Variants in RHBG observed in about 807,000 individuals in gnomAD.
RHBG encodes the protein ammonium transporter Rh type B.
A neutral mutation model predicts 40.1 loss-of-function variants in RHBG; 39 were observed. The ratio of observed to expected loss-of-function variants is 0.97; its 90% CI spans 0.75 to 1.27. RHBG has a LOEUF of 1.27. RHBG is among the 50% of genes most tolerant of loss of function. The probability of loss-of-function intolerance (pLI) is 0.00; values close to 1 mark genes in which losing one functional copy is unlikely to be tolerated. For synonymous variants in RHBG, 237 were observed against 252.5 expected (o/e 0.94, Z 0.58); for missense variants, 549 against 588.1 (o/e 0.93, Z 0.69).
In RHBG at chr1:156,378,313, T is replaced by C; in HGVS notation, c.587T>C (p.Leu196Pro). 6.2e-7 allele frequency: 1 copy of C among 1,614,100 alleles called. No individual in the cohort carries two copies. Among genetic ancestry groups the C allele is most frequent in the Non-Finnish European group, 8.5e-7 (1 of 1,180,014 alleles). The change falls in exon 4 of 10, where the codon CTT becomes CCT. Residue 196 changes from leucine to proline, a missense_variant. Physicochemically the swap from Leu to Pro is moderately conservative, Grantham distance 98. Transcript: ENST00000537040. Reference sequence around the variant, plus strand: ...TTTGGTGCCTACTTCGGGCTCGTCCTTTCGCGGGTTCTGTACAGGCCCCAG... The same window carrying C: ...TTTGGTGCCTACTTCGGGCTCGTCCCTTCGCGGGTTCTGTACAGGCCCCAG... ...HTFGAYFGLVLSRVLYRPQLE... is the reference protein window; with the variant it reads ...HTFGAYFGLVPSRVLYRPQLE...
At position 156,382,784 on chromosome 1, in the gene RHBG, GCGCAGTGCCACGT is replaced by G. The variant is rs1667753898; in HGVS notation, c.1151_1163del (p.Arg384HisfsTer14). 6.2e-7 allele frequency: 1 copy of G among 1,614,110 alleles called. No individual in the cohort carries two copies. Among genetic ancestry groups the G allele is most frequent in the South Asian group, 1.1e-5 (1 of 91,086 alleles). Reference sequence around the variant, plus strand: ...TGTTTCCACTCATAGCCGAGGGCCAGCGCAGTGCCACGTCACAGGCCATGCACCAGCTCTTCGG... The same window carrying G: ...TGTTTCCACTCATAGCCGAGGGCCAGCACAGGCCATGCACCAGCTCTTCGG... On this transcript the variant is annotated frameshift_variant, in exon 8 of 10. Coordinates refer to ENST00000537040, the MANE Select transcript of RHBG (RefSeq NM_020407.5). LOFTEE classifies it high-confidence loss of function.
At chr1:156,372,161 A>G (rs1403855913) in intron 1 of RHBG, among the ~76,000 whole-genome samples, 1 of 152,192 alleles carries the variant, frequency 6.6e-6, no homozygotes, top group African/African-American at 2.4e-5. Flanking sequence ...ATGCCAAGAC[A>G]TGGCTAGTCT....
At position 156,381,834 on chromosome 1, in the gene RHBG, G is replaced by C; in HGVS notation, c.869G>C (p.Gly290Ala). 6.3e-6 allele frequency: 10 copies of C among 1,591,304 alleles called. No homozygotes were observed. The highest frequency in any genetic ancestry group is 8.5e-6 in the Non-Finnish European group (10 of 1,174,642). ...CACATCCAAAATGCAGCGCTGGCTGGAGGGGTTGTGGTGGGGACCTCAAGT... is the reference window on the plus strand; with the variant it reads ...CACATCCAAAATGCAGCGCTGGCTGCAGGGGTTGTGGTGGGGACCTCAAGT... The part of the protein sequence containing the change: ...MVHIQNAALA[G>A]GVVVGTSSEM... Residue 290 changes from glycine to alanine, a missense_variant, in exon 6 of 10, where the codon GGA (glycine) becomes GCA (alanine). This residue lies in a region of RHBG where 399 missense variants were observed against 417.0 expected (regional missense o/e 0.96). Transcript: ENST00000537040.
In RHBG at chr1:156,377,289, T is replaced by G. The variant is rs767329991; in HGVS notation, c.188-12T>G. 3.1e-6 allele frequency: 5 copies of G among 1,612,056 alleles called. No homozygotes were observed. The African/African-American group carries it at 6.7e-5, about 22-fold the overall frequency. On this transcript the variant is annotated splice_polypyrimidine_tract_variant and intron_variant, in intron 1 of 9. Transcript: ENST00000537040. The surrounding 1 kb of genome is among the most constrained non-coding windows in gnomAD (Gnocchi z 4.6). ...AGCCCCCAAGTGCCCCGCCTGTCCCTGCCCGCTGCAGGCTTCCAGGACGTG... is the reference window on the plus strand; with the variant it reads ...AGCCCCCAAGTGCCCCGCCTGTCCCGGCCCGCTGCAGGCTTCCAGGACGTG...
Position 156,382,889 on chromosome 1 carries a change from C to G in RHBG, c.1234+20C>G. On this transcript the variant is annotated intron_variant, in intron 8 of 9. Transcript: ENST00000537040. ...TTGGAGGTGAGTAACCTTGGATTTT[C>G]TAGAGGAAGGGGCATGGGATCCTAT... 1 of 1,614,142 alleles carries G rather than the reference C, an allele frequency of 6.2e-7. No individual in the cohort carries two copies. Among genetic ancestry groups the G allele is most frequent in the Non-Finnish European group, 8.5e-7 (1 of 1,180,002 alleles).
In RHBG at chr1:156,369,299, T is replaced by G; in HGVS notation, c.50T>G (p.Leu17Arg). 1 of 1,614,130 alleles carries G rather than the reference T, an allele frequency of 6.2e-7. No individual in the cohort carries two copies. Among genetic ancestry groups the G allele is most frequent in the Non-Finnish European group, 8.5e-7 (1 of 1,180,030 alleles). Reference protein sequence around the residue: ...RAAGRRLQLPLLCLFLQGATA... With the variant: ...RAAGRRLQLPRLCLFLQGATA... ...GCGGGCCGGCGACTGCAGCTTCCCC[T>G]GCTGTGCCTCTTCCTCCAGGGCGCC... Residue 17 changes from leucine (L) to arginine (R), a missense_variant, in exon 1 of 10, where the codon CTG becomes CGG. Around this residue, in one of 3 missense-constraint regions of RHBG, gnomAD observed 99 missense variants for 85.2 expected, o/e 1.16. Transcript: ENST00000537040.
Position 156,378,005 on chromosome 1 carries a change from C to T in RHBG, c.390C>T (p.Asp130=). The T allele has an allele frequency of 6.4e-7, 1 of 1,550,762 alleles. No individual in the cohort carries two copies. The highest frequency in any genetic ancestry group is 1.4e-5 in the African/African-American group (1 of 73,466). The change falls in exon 3 of 10, where the codon GAC becomes GAT. Residue 130 remains aspartate (D), a synonymous_variant. Transcript: ENST00000537040. Reference sequence around the variant, plus strand: ...CCATCCCCAGCATGATCAATGCTGACTTTTGTGCGGGGGCCGTGCTCATCT... The same window carrying T: ...CCATCCCCAGCATGATCAATGCTGATTTTTGTGCGGGGGCCGTGCTCATCT... ...HVGVESMINA[D]FCAGAVLISF... is the part of the protein sequence containing the mutation.
At chr1:156,370,171 G>A (rs904928609) in intron 1 of RHBG, among the ~76,000 whole-genome samples, 2 of 152,016 alleles carry the variant, frequency 1.3e-5, no homozygotes, top group Admixed American at 6.6e-5. Flanking sequence ...AAATTAGGCC[G>A]GGCGCGGTGC....
rs1396116038 is a variant in RHBG at position 156,381,926 on chromosome 1, G to C, written c.961G>C (p.Gly321Arg). ...CTTGGCTGGGACTGTCTCCACGCTG[G>C]GGTACAAGTTCTTCACGGTATAGAT... ...GFLAGTVSTL[G>R]YKFFTPILES... The change falls in exon 6 of 10, where the codon GGG becomes CGG. Residue 321 changes from glycine (G) to arginine (R), a missense_variant. Transcript: ENST00000537040. 1.2e-6 allele frequency: 2 copies of C among 1,611,538 alleles called. No homozygotes were observed. The highest frequency in any genetic ancestry group is 1.7e-6 in the Non-Finnish European group (2 of 1,179,538).
In RHBG at chr1:156,385,148, G is replaced by T. The variant is rs1421089721; in HGVS notation, c.*303G>T. 6.2e-6 allele frequency: 2 copies of T among 324,136 alleles called. No individual in the cohort carries two copies. 20.1% of individuals were successfully genotyped at this position (324,136 alleles called of 1,614,324 possible). ...ATTGAGGCACCCAAGTGATCCACTGGCCCCACGTCACACAGTTACAGTGAA... is the reference window on the plus strand; with the variant it reads ...ATTGAGGCACCCAAGTGATCCACTGTCCCCACGTCACACAGTTACAGTGAA... On this transcript the variant is annotated 3_prime_UTR_variant, in exon 10 of 10. Coordinates refer to ENST00000537040, the MANE Select transcript of RHBG (RefSeq NM_020407.5).
chr1:156,384,472 C>A, intron 8 of RHBG, 55 bp from the exon 9 acceptor site: 1 of 1,554,798 alleles, frequency 6.4e-7, no homozygotes, highest in East Asian at 2.2e-5. Context: ...GGGTGGCACC[C>A]TCCTCCATGG....
chr1:156,381,327 C>T lies in RHBG; in HGVS notation c.674-20C>T. 1 of 1,613,434 alleles carries T rather than the reference C, an allele frequency of 6.2e-7. No homozygotes were observed. Among genetic ancestry groups the T allele is most frequent in the Non-Finnish European group, 8.5e-7 (1 of 1,179,816 alleles). The stretch of plus-strand genomic sequence containing the variant: ...GAGTCACTTCCTTCTTCTCACTCTG[C>T]CTGTCTGTCCACCATCTAGGGACCA... On this transcript the variant is annotated intron_variant, in intron 4 of 9. Transcript: ENST00000537040.
At chr1:156,376,366 A>ATTT (rs5777980) in intron 1 of RHBG, among the ~76,000 whole-genome samples, 59 of 143,544 alleles carry the variant, frequency 4.1e-4, no homozygotes, top group East Asian at 1.0e-3. Flanking sequence ...TATTTCCTAA[A>ATTT]TTTTTTTTTT....
rs1308438400 is a variant in RHBG at position 156,382,696 on chromosome 1, G to T, written c.1113-52G>T. The T allele has an allele frequency of 5.0e-6, 8 of 1,607,378 alleles. No homozygotes were observed. In the East Asian group the frequency reaches 1.8e-4, roughly 36 times the overall value. On this transcript the variant is annotated intron_variant, in intron 7 of 9. Coordinates refer to ENST00000537040, the MANE Select transcript of RHBG (RefSeq NM_020407.5). ...CCATGAGCAGCCCTGGCCCCGGGCT[G>T]CATCCCTCTCTCTCCCTACCCCTGC...
chr1:156,382,294 G>A (rs1400292482), intron 7 of RHBG, 93 bp downstream of exon 7: 4 of 1,578,290 alleles, frequency 2.5e-6, no homozygotes, highest in Non-Finnish European at 3.5e-6. Context: ...AAAAAAGAAT[G>A]AATTCATTCA....
Position 156,377,027 on chromosome 1 carries a change from C to T in RHBG, c.188-274C>T, listed in dbSNP as rs924960982. 4.6e-5 allele frequency among the ~76,000 whole-genome samples: 7 copies of T among 152,088 alleles called. No homozygotes were observed. The highest frequency in any genetic ancestry group is 3.2e-3 in the Middle Eastern group (1 of 316). The stretch of plus-strand genomic sequence containing the variant: ...TTCCAGCCAGTCTGTTGTAAGAGAC[C>T]CAGGGATGGGGCAAATGAATAGAGC... On this transcript the variant is annotated intron_variant, in intron 1 of 9. Transcript: ENST00000537040. The surrounding 1 kb of genome is among the most constrained non-coding windows in gnomAD (Gnocchi z 4.6).
intron 5 of RHBG, 100 bp downstream of exon 5, chr1:156,381,613 G>A: frequency 6.9e-7 from 1 of 1,453,328 alleles, no homozygotes; most frequent in Non-Finnish European, 9.3e-7. Flanking sequence ...AACAGATAAG[G>A]GCACAGGCAT....
At chr1:156,375,113 C>T (rs1667097260) in intron 1 of RHBG, among the ~76,000 whole-genome samples, 2 of 151,868 alleles carry the variant, frequency 1.3e-5, no homozygotes, top group Non-Finnish European at 2.9e-5. Context: ...CTCTTGTTGC[C>T]CAGGCTGGAG....
In RHBG at chr1:156,378,350, C is replaced by T; in HGVS notation, c.624C>T (p.Ser208=). ...RVLYRPQLEK[S]KHRQGSVYHS... ...TGTACAGGCCCCAGCTGGAGAAGAGCAAGCACCGCCAGGGCTCCGTCTACC... is the reference window on the plus strand; with the variant it reads ...TGTACAGGCCCCAGCTGGAGAAGAGTAAGCACCGCCAGGGCTCCGTCTACC... Residue 208 remains serine, a synonymous_variant, in exon 4 of 10, where the codon AGC becomes AGT. Coordinates refer to ENST00000537040, the MANE Select transcript of RHBG (RefSeq NM_020407.5). The T allele has an allele frequency of 6.2e-7, 1 of 1,613,088 alleles. No homozygotes were observed. Among genetic ancestry groups the T allele is most frequent in the East Asian group, 2.2e-5 (1 of 44,868 alleles).
Sources: allele counts gnomAD v4.1 joint callset (sites outside exome capture counted in the v4.1 genomes callset), GRCh38; gene constraint gnomAD v4.1.1; regional missense constraint gnomAD v4.1.1; non-coding constraint Gnocchi (gnomAD v3.1); transcripts MANE v1.5; gene names NCBI Gene and HGNC (gene_info 2026-07-23, HGNC 2026-07-21).